Variants in AMBRA1 observed in about 807,000 individuals in gnomAD.
AMBRA1 encodes autophagy and beclin 1 regulator 1, also known as activating molecule in BECN1-regulated autophagy protein 1.
Under a neutral mutation model 125.4 loss-of-function variants are expected in AMBRA1, and 47 were observed. The observed-to-expected ratio is 0.37, with a 90% CI of 0.30 to 0.48. The LOEUF is 0.48. Among genes scored for constraint, AMBRA1 ranks in the 20% least tolerant of loss-of-function variants. The pLI is 0.99. For synonymous variants in AMBRA1, 626 were observed against 655.5 expected (o/e 0.95, Z 0.69); for missense variants, 1,331 against 1,693.4 (o/e 0.79, Z 3.76).
At position 46,408,639 on chromosome 11, in the gene AMBRA1, G is replaced by A. The variant is rs2136615708; in HGVS notation, c.3277C>T (p.Arg1093Trp). The A allele has an allele frequency of 1.2e-6, 2 of 1,607,350 alleles. No homozygotes were observed. The highest frequency in any genetic ancestry group is 2.2e-5 in the South Asian group (2 of 90,476). Residue 1093 changes from arginine to tryptophan, a missense_variant, in exon 17 of 18, where the codon CGG (arginine) becomes TGG (tryptophan). This residue lies in a region of AMBRA1 where 354 missense variants were observed against 532.7 expected (regional missense o/e 0.66). Transcript: ENST00000683756. The part of the protein sequence containing the change: ...GLMNAIGLQP[R>W]NPATSVTSQG... Reference sequence around the variant, plus strand: ...GATGTCACTGAGGTGGCAGGGTTCCGGGGCTGAAGCCCAATGGCATTCATC... The same window carrying A: ...GATGTCACTGAGGTGGCAGGGTTCCAGGGCTGAAGCCCAATGGCATTCATC...
intron 1 of AMBRA1, among the ~76,000 whole-genome samples, chr11:46,551,613 G>A (rs1181289537): frequency 6.6e-6 from 1 of 152,168 alleles, no homozygotes; most frequent in Admixed American, 6.5e-5. Flanking sequence ...GCTCACGCCT[G>A]TAATCCCAGA....
chr11:46,580,628 A>AT (rs1487519074), intron 1 of AMBRA1, among the ~76,000 whole-genome samples: 1 of 152,190 alleles, frequency 6.6e-6, no homozygotes, highest in Non-Finnish European at 1.5e-5. Context: ...TAATTCTAAA[A>AT]TATCTACTGA....
intron 1 of AMBRA1, among the ~76,000 whole-genome samples, chr11:46,585,300 T>A (rs932846203): frequency 1.3e-5 from 2 of 151,484 alleles, no homozygotes; most frequent in South Asian, 2.1e-4. Context: ...TATTGCCCTA[T>A]GACCCTGCCA....
chr11:46,586,750 G>T (rs570917099), intron 1 of AMBRA1, among the ~76,000 whole-genome samples: 1 of 152,306 alleles, frequency 6.6e-6, no homozygotes, highest in East Asian at 1.9e-4. Flanking sequence ...ATGAGGAGAG[G>T]CACAGAGAGA....
chr11:46,531,917 A>C (rs1273547938), intron 7 of AMBRA1, among the ~76,000 whole-genome samples: 4 of 152,146 alleles, frequency 2.6e-5, no homozygotes, highest in African/African-American at 9.6e-5. Context: ...TAGGAGTTCA[A>C]GACCGGCCTG....
intron 11 of AMBRA1, among the ~76,000 whole-genome samples, chr11:46,468,088 G>A (rs1949405544): frequency 6.6e-6 from 1 of 152,192 alleles, no homozygotes; most frequent in Non-Finnish European, 1.5e-5. Context: ...ATGGTGACAG[G>A]TATATTGGAA....
chr11:46,556,847 G>A (rs777826813), intron 1 of AMBRA1, among the ~76,000 whole-genome samples: 1 of 152,156 alleles, frequency 6.6e-6, no homozygotes, highest in Non-Finnish European at 1.5e-5. Context: ...TATGAAAATG[G>A]TAATAAGGGC....
At chr11:46,445,608 T>A (rs1948246835) in intron 11 of AMBRA1, among the ~76,000 whole-genome samples, 2 of 152,208 alleles carry the variant, frequency 1.3e-5, no homozygotes, top group African/African-American at 4.8e-5. Flanking sequence ...CATTCTTTAG[T>A]TACAAGGTCT....
At chr11:46,585,807 A>T (rs201653590) in intron 1 of AMBRA1, among the ~76,000 whole-genome samples, 1 of 135,366 alleles carries the variant, frequency 7.4e-6, no homozygotes, top group Non-Finnish European at 1.6e-5. Context: ...AATAACAATA[A>T]TTTTTTTTTT....
At chr11:46,515,231 T>C (rs756764393) in intron 7 of AMBRA1, among the ~76,000 whole-genome samples, 13 of 152,174 alleles carry the variant, frequency 8.5e-5, no homozygotes, top group Non-Finnish European at 1.3e-4. Context: ...CCCAACACTT[T>C]GGGAGGCCAG....
chr11:46,493,963 G>T, intron 10 of AMBRA1, 161 bp downstream of exon 10: 1 of 710,460 alleles, frequency 1.4e-6, no homozygotes, highest in Non-Finnish European at 2.3e-6. Flanking sequence ...TTTGAATGTG[G>T]CTAACCATCA....
At chr11:46,454,699 C>T (rs1056357534) in intron 11 of AMBRA1, among the ~76,000 whole-genome samples, 3 of 151,464 alleles carry the variant, frequency 2.0e-5, no homozygotes, top group Admixed American at 1.3e-4. Flanking sequence ...TGCAGCGAGC[C>T]GAGATCACGC....
Position 46,441,427 on chromosome 11 carries a change from T to C in AMBRA1, c.2632+2061A>G, listed in dbSNP as rs1200313544. Among the ~76,000 whole-genome samples the C allele has an allele frequency of 4.6e-5, 7 of 151,822 alleles. No individual in the cohort carries two copies. In the East Asian group the frequency reaches 1.2e-3, roughly 25 times the overall value. ...TACTCGGGAGGCTGAGGCGGGAGAA[T>C]CGCATGAACCTGGGGGTGCGGAGAT... On this transcript the variant is annotated intron_variant, in intron 12 of 17. Coordinates refer to ENST00000683756, the MANE Select transcript of AMBRA1 (RefSeq NM_001387011.1).
At chr11:46,471,878 G>A (rs1464732736) in intron 11 of AMBRA1, among the ~76,000 whole-genome samples, 1 of 151,926 alleles carries the variant, frequency 6.6e-6, no homozygotes, top group Non-Finnish European at 1.5e-5. Flanking sequence ...CACCCACCTC[G>A]GCCTCCCAAA....
At chr11:46,572,964 G>A (rs955859210) in intron 1 of AMBRA1, among the ~76,000 whole-genome samples, 5 of 151,660 alleles carry the variant, frequency 3.3e-5, no homozygotes, top group East Asian at 1.9e-4. Flanking sequence ...GGTGGTGGAC[G>A]CCTGTAATCC....
chr11:46,555,953 T>A (rs2043146637), intron 1 of AMBRA1, among the ~76,000 whole-genome samples: 1 of 152,216 alleles, frequency 6.6e-6, no homozygotes, highest in South Asian at 2.1e-4. Context: ...AGTCTAAGAG[T>A]CAAACCAACC....
intron 17 of AMBRA1, 43 bp from the exon 18 acceptor site, chr11:46,397,986 C>T: frequency 1.3e-6 from 2 of 1,540,516 alleles, no homozygotes; most frequent in Non-Finnish European, 1.7e-6. Context: ...TGGCTGCTGG[C>T]CTGGGCCTCT....
Position 46,542,653 on chromosome 11 carries a change from T to TC in AMBRA1, c.1363dup (p.Glu455GlyfsTer26), listed in dbSNP as rs35623807. The TC allele has an allele frequency of 6.2e-7, 1 of 1,614,172 alleles. No individual in the cohort carries two copies. Among genetic ancestry groups the TC allele is most frequent in the Non-Finnish European group, 8.5e-7 (1 of 1,180,014 alleles). ...GTACACAGATGCCTGAGAGCCACCT[T>TC]CCTGCTGTCTCAGCACAGACAGCAA... On this transcript the variant is annotated frameshift_variant, in exon 7 of 18. Transcript: ENST00000683756. LOFTEE classifies it high-confidence loss of function. This position sits in a 1 kb window ranked among gnomAD's most constrained non-coding sequence, Gnocchi z 5.9.
intron 11 of AMBRA1, 69 bp from the exon 12 acceptor site, chr11:46,443,667 C>T: frequency 2.3e-6 from 3 of 1,323,094 alleles, no homozygotes; most frequent in Admixed American, 1.9e-5. Context: ...AAACATAAAA[C>T]AATACTGGGA....
Sources: gnomAD v4.1 joint callset for allele counts (sites outside exome capture counted in the v4.1 genomes callset) on GRCh38, gnomAD v4.1.1 for gene constraint, gnomAD v4.1.1 regional missense constraint, Gnocchi (gnomAD v3.1) non-coding constraint, MANE v1.5 for transcripts, NCBI Gene and HGNC (gene_info 2026-07-23, HGNC 2026-07-21) for gene names.